The following PARD3B variants were observed in gnomAD, a reference collection of about 807,000 sequenced individuals.
PARD3B encodes the protein par-3 family cell polarity regulator beta.
Under a neutral mutation model 130.2 loss-of-function variants are expected in PARD3B, and 103 were observed. The ratio of observed to expected loss-of-function variants is 0.79; its 90% CI spans 0.67 to 0.93. The LOEUF (loss-of-function observed/expected upper bound fraction) is 0.93. PARD3B is among the 40% of genes least tolerant of loss of function. PARD3B has a pLI of 0.00. For missense variants in PARD3B, 1,609 were observed against 1,499.2 expected (o/e 1.07, Z -1.21); for synonymous variants, 583 against 553.2 (o/e 1.05, Z -0.76).
At chr2:205,579,202 G>A (rs2053873054) in intron 22 of PARD3B, among the ~76,000 whole-genome samples, 1 of 152,084 alleles carries the variant, frequency 6.6e-6, no homozygotes, top group Non-Finnish European at 1.5e-5. Flanking sequence ...CTGGATTTTG[G>A]GAATCAAAAT....
intron 15 of PARD3B, among the ~76,000 whole-genome samples, chr2:205,228,994 G>A (rs1407162558): frequency 2.0e-5 from 3 of 152,154 alleles, no homozygotes; most frequent in Non-Finnish European, 4.4e-5. Flanking sequence ...TCTGATAGGA[G>A]TCTGAATGAC....
At chr2:204,622,702 T>A (rs2034349226) in intron 1 of PARD3B, among the ~76,000 whole-genome samples, 1 of 152,152 alleles carries the variant, frequency 6.6e-6, no homozygotes, top group South Asian at 2.1e-4. Flanking sequence ...AGAGGGTAAG[T>A]AACATGTCTA....
Position 205,044,018 on chromosome 2 carries a change from C to G in PARD3B, c.395-3563C>G, listed in dbSNP as rs1367583961. Among the ~76,000 whole-genome samples the G allele has an allele frequency of 2.0e-5, 3 of 147,192 alleles. No individual in the cohort carries two copies. In the East Asian group the frequency reaches 6.3e-4, roughly 31 times the overall value. On this transcript the variant is annotated intron_variant, in intron 3 of 22. Transcript: ENST00000406610. ...TCCCCTTCCTGTGTCCATGTGTTCT[C>G]ATTGTTCAATTCCCACCTATGAGTG...
intron 3 of PARD3B, among the ~76,000 whole-genome samples, chr2:204,984,477 G>C (rs1028460516): frequency 2.0e-5 from 3 of 152,142 alleles, no homozygotes; most frequent in African/African-American, 7.2e-5. Flanking sequence ...GTGATAGCCA[G>C]GGCCCTTAGG....
intron 19 of PARD3B, among the ~76,000 whole-genome samples, chr2:205,411,277 A>C (rs1377726882): frequency 6.6e-6 from 1 of 152,172 alleles, no homozygotes; most frequent in Non-Finnish European, 1.5e-5. Context: ...CAGATATTTT[A>C]GTAAGTCTGT....
At position 205,054,448 on chromosome 2, in the gene PARD3B, T is replaced by A. The variant is rs1424348651; in HGVS notation, c.504+6758T>A. 2.7e-3 allele frequency among the ~76,000 whole-genome samples: 212 copies of A among 77,994 alleles called. 1 individual carries two copies. The highest frequency in any genetic ancestry group is 4.7e-3 in the Non-Finnish European group (158 of 33,408). The allele number at this position is 77,994 out of a possible 152,430, so 51.2% of individuals were successfully genotyped here. ...TATATATATATATATTTTTTTTTTT[T>A]TTTTTTTTTAATTATACTCTAAGTT... On this transcript the variant is annotated intron_variant, in intron 4 of 22. Transcript: ENST00000406610.
intron 21 of PARD3B, among the ~76,000 whole-genome samples, chr2:205,514,772 A>AATT (rs2050722548): frequency 6.6e-6 from 1 of 151,624 alleles, no homozygotes; most frequent in Non-Finnish European, 1.5e-5. Context: ...TTCTCCTGAA[A>AATT]ATTACTTCTT....
Position 205,525,781 on chromosome 2 carries a change from A to C in PARD3B, c.3180+25750A>C, listed in dbSNP as rs1343842434. On this transcript the variant is annotated intron_variant, in intron 21 of 22. Coordinates refer to ENST00000406610, the MANE Select transcript of PARD3B (RefSeq NM_001302769.2). This position sits in a 1 kb window ranked among gnomAD's most constrained non-coding sequence, Gnocchi z 4.2. ...TCCAGCTCAATGAGAATCTCGACAAAGGGCCTGACTCTCTCCCCTTCCAGC... is the reference window on the plus strand; with the variant it reads ...TCCAGCTCAATGAGAATCTCGACAACGGGCCTGACTCTCTCCCCTTCCAGC... 6.6e-6 allele frequency among the ~76,000 whole-genome samples: 1 copy of C among 152,142 alleles called. No homozygotes were observed. The highest frequency in any genetic ancestry group is 1.5e-5 in the Non-Finnish European group (1 of 68,018).
intron 3 of PARD3B, among the ~76,000 whole-genome samples, chr2:205,028,123 T>C (rs560810520): frequency 1.7e-4 from 26 of 152,226 alleles, no homozygotes; most frequent in African/African-American, 6.3e-4. Context: ...TTGGAATTTA[T>C]ATAGGAATTA....
chr2:205,576,231 A>T (rs1221131644), intron 22 of PARD3B, among the ~76,000 whole-genome samples: 1 of 150,716 alleles, frequency 6.6e-6, no homozygotes, highest in Non-Finnish European at 1.5e-5. Flanking sequence ...TTGTTTTCTT[A>T]CTGTTGAGTT....
intron 22 of PARD3B, among the ~76,000 whole-genome samples, chr2:205,580,829 A>G (rs994108042): frequency 6.6e-6 from 1 of 152,098 alleles, no homozygotes; most frequent in African/African-American, 2.4e-5. Context: ...AATGCCTTGG[A>G]AAAAAAGCTG....
At chr2:205,053,108 T>TAATA (rs975692656) in intron 4 of PARD3B, among the ~76,000 whole-genome samples, 6 of 152,236 alleles carry the variant, frequency 3.9e-5, no homozygotes, top group Admixed American at 6.5e-5. Context: ...CTTGCTAAGA[T>TAATA]AATATGATGA....
chr2:205,026,586 A>C (rs568166392), intron 3 of PARD3B, among the ~76,000 whole-genome samples: 1 of 152,090 alleles, frequency 6.6e-6, no homozygotes, highest in Non-Finnish European at 1.5e-5. Context: ...TAAACAACAC[A>C]GTATTATTAA....
intron 2 of PARD3B, among the ~76,000 whole-genome samples, chr2:204,733,827 C>T (rs2039626712): frequency 6.6e-6 from 1 of 151,752 alleles, no homozygotes; most frequent in Admixed American, 6.6e-5. Flanking sequence ...CTAAACACAC[C>T]CATCTCCATT....
At position 205,616,208 on chromosome 2, in the gene PARD3B, C is replaced by G; in HGVS notation, c.*395C>G. 1 of 177,766 alleles carries G rather than the reference C, an allele frequency of 5.6e-6. No homozygotes were observed. The highest frequency in any genetic ancestry group is 1.6e-4 in the South Asian group (1 of 6,114). The allele number at this position is 177,766 out of a possible 1,614,324, so 11.0% of individuals were successfully genotyped here. ...ACATCCCCCTCTGAGACTGGCGGTC[C>G]AGAGGCAGTCTCTGCCAGGCAGCAT... On this transcript the variant is annotated 3_prime_UTR_variant, in exon 23 of 23. Transcript: ENST00000406610.
chr2:205,497,274 G>C (rs931153276), intron 20 of PARD3B, among the ~76,000 whole-genome samples: 4 of 151,496 alleles, frequency 2.6e-5, no homozygotes, highest in Admixed American at 6.6e-5. Flanking sequence ...AAAGGCATCA[G>C]CTGCTGAGTG....
At chr2:204,618,112 A>G (rs2034176103) in intron 1 of PARD3B, among the ~76,000 whole-genome samples, 1 of 152,204 alleles carries the variant, frequency 6.6e-6, no homozygotes, top group African/African-American at 2.4e-5. Flanking sequence ...TGGACAGTGG[A>G]GAGAACGTTT....
intron 2 of PARD3B, among the ~76,000 whole-genome samples, chr2:204,837,826 A>G (rs924705517): frequency 1.3e-5 from 2 of 152,104 alleles, no homozygotes; most frequent in African/African-American, 4.8e-5. Flanking sequence ...ATTCTAATGG[A>G]TAAGACTATT....
At position 205,590,056 on chromosome 2, in the gene PARD3B, T is replaced by TA. The variant is rs113225285; in HGVS notation, c.3261-25399dup. ...TCTAAGTATTTTATCCTCTAGTACT[T>TA]ACATTCATACCTATTGGTATGAATA... On this transcript the variant is annotated intron_variant, in intron 22 of 22. Coordinates refer to ENST00000406610, the MANE Select transcript of PARD3B (RefSeq NM_001302769.2). This position sits in a 1 kb window ranked among gnomAD's most constrained non-coding sequence, Gnocchi z 4.1. 0.053 allele frequency among the ~76,000 whole-genome samples: 8,052 copies of TA among 152,214 alleles called. 716 individuals carry two copies. The highest frequency in any genetic ancestry group is 0.18 in the African/African-American group (7,603 of 41,470).
Sources: allele counts gnomAD v4.1 joint callset (sites outside exome capture counted in the v4.1 genomes callset), GRCh38; gene constraint gnomAD v4.1.1; non-coding constraint Gnocchi (gnomAD v3.1); transcripts MANE v1.5; gene names NCBI Gene and HGNC (gene_info 2026-07-23, HGNC 2026-07-21).